The following LRRC37A2 variants were observed in gnomAD, a reference collection of about 807,000 sequenced individuals.
The protein encoded by LRRC37A2 is leucine rich repeat containing 37 member A2.
A neutral mutation model predicts 68.8 loss-of-function variants in LRRC37A2; 9 were observed. The observed-to-expected ratio is 0.13, with a 90% CI of 0.08 to 0.23. The LOEUF is 0.23. Among genes scored for constraint, LRRC37A2 ranks in the 10% least tolerant of loss-of-function variants. The pLI is 1.00. For missense variants in LRRC37A2, 168 were observed against 950.4 expected (o/e 0.18, Z 10.82); for synonymous variants, 63 against 367.6 (o/e 0.17, Z 9.48).
the LRRC37A2 span, chr17:46,768,309 T>TAC: frequency 6.2e-7 from 1 of 1,613,374 alleles, no homozygotes; most frequent in South Asian, 1.1e-5. This position sits in a 1 kb window ranked among gnomAD's most constrained non-coding sequence, Gnocchi z 5.0. Flanking sequence ...CCCGGAGCCC[T>TAC]ACCTGGTGCC....
chr17:46,850,601 T>C, the LRRC37A2 span, among the ~76,000 whole-genome samples: 4 of 152,222 alleles, frequency 2.6e-5, no homozygotes, highest in Non-Finnish European at 1.5e-5. Flanking sequence ...TTTTGCTTGA[T>C]TTGACCCCGT....
At chr17:46,666,642 GA>G in the LRRC37A2 span, among the ~76,000 whole-genome samples, 4 of 21,842 alleles carry the variant, frequency 1.8e-4, no homozygotes, top group African/African-American at 6.0e-4. Context: ...ATATACGTGA[GA>G]ACATCTGATT....
At chr17:46,389,030 C>G in the LRRC37A2 span, among the ~76,000 whole-genome samples, 1 of 75,928 alleles carries the variant, frequency 1.3e-5, no homozygotes, top group Non-Finnish European at 2.7e-5. Context: ...CTGGCCATGG[C>G]CAGCTAATAC....
chr17:46,997,540 A>T, the LRRC37A2 span, among the ~76,000 whole-genome samples: 2 of 152,242 alleles, frequency 1.3e-5, no homozygotes, highest in African/African-American at 4.8e-5. Flanking sequence ...TAATCTGATC[A>T]GGCCTCTAGA....
the LRRC37A2 span, among the ~76,000 whole-genome samples, chr17:46,836,733 G>C: frequency 6.6e-6 from 1 of 152,192 alleles, no homozygotes; most frequent in African/African-American, 2.4e-5. Context: ...AGCAGGGTTG[G>C]CCAGGGTCAT....
chr17:46,910,578 C>A, the LRRC37A2 span, among the ~76,000 whole-genome samples: 1 of 152,176 alleles, frequency 6.6e-6, no homozygotes, highest in African/African-American at 2.4e-5. Context: ...CCTCTTTGTC[C>A]TCAAGAAGCA....
the LRRC37A2 span, among the ~76,000 whole-genome samples, chr17:46,638,674 A>C: frequency 2.1e-5 from 3 of 141,906 alleles, no homozygotes; most frequent in African/African-American, 8.3e-5. Flanking sequence ...ACCATGCCCA[A>C]CCATTTTTTT....
In LRRC37A2 at chr17:46,532,886, AC is replaced by A. The variant is rs2145274376; in HGVS notation, c.2907-7286del. Among the ~76,000 whole-genome samples, 2 of 148,486 alleles carry A rather than the reference AC, an allele frequency of 1.3e-5. 1 individual carries two copies. Among genetic ancestry groups the A allele is most frequent in the Non-Finnish European group, 3.0e-5 (2 of 67,720 alleles). ...GAGGCTGCGGTGGGAGGATTGCTTG[AC>A]CCCAGGAGTTCGAGGCCAGCCAGGG... On this transcript the variant is annotated intron_variant, in intron 6 of 14. Coordinates refer to ENST00000576629, the Ensembl canonical transcript of LRRC37A2.
chr17:46,545,373 C>T (rs2056133653), intron 8 of LRRC37A2, among the ~76,000 whole-genome samples: 1 of 135,894 alleles, frequency 7.4e-6, no homozygotes, highest in African/African-American at 3.1e-5. Context: ...ATCCCTTGAG[C>T]CCAGGGGGGT....
chr17:46,860,744 C>T, the LRRC37A2 span, among the ~76,000 whole-genome samples: 1 of 152,220 alleles, frequency 6.6e-6, no homozygotes, highest in African/African-American at 2.4e-5. Context: ...CTGTACAATT[C>T]AGAACAAACC....
chr17:46,978,674 C>T, the LRRC37A2 span: 4 of 1,609,592 alleles, frequency 2.5e-6, no homozygotes, highest in Non-Finnish European at 3.4e-6. Flanking sequence ...GCTGCGCCCA[C>T]GTCCTTGGAG....
the LRRC37A2 span, among the ~76,000 whole-genome samples, chr17:46,832,608 C>T: frequency 2.0e-5 from 3 of 152,224 alleles, no homozygotes; most frequent in East Asian, 3.9e-4. Flanking sequence ...GGAGCCCCTG[C>T]CCCCGCCCCT....
the LRRC37A2 span, chr17:46,818,640 AG>A: frequency 6.5e-7 from 1 of 1,536,390 alleles, no homozygotes; most frequent in Non-Finnish European, 8.9e-7. Context: ...GACCATGAAG[AG>A]GGGGAGCGAC....
chr17:46,809,473 AAC>A, the LRRC37A2 span, among the ~76,000 whole-genome samples: 2 of 152,066 alleles, frequency 1.3e-5, no homozygotes, highest in Non-Finnish European at 2.9e-5. Flanking sequence ...CCCCCTCCCC[AAC>A]ACACACGTAC....
At chr17:46,545,555 A>G (rs2056171826) in intron 8 of LRRC37A2, among the ~76,000 whole-genome samples, 1 of 127,638 alleles carries the variant, frequency 7.8e-6, no homozygotes, top group Non-Finnish European at 1.6e-5. Flanking sequence ...CCAAATGTGC[A>G]TCAATGATAA....
At chr17:46,931,850 CT>C in the LRRC37A2 span, 1 of 596,818 alleles carries the variant, frequency 1.7e-6, no homozygotes, top group Non-Finnish European at 3.0e-6. Flanking sequence ...AGTCAAGCTG[CT>C]GGAATCTTGT....
chr17:46,947,897 T>A, the LRRC37A2 span, among the ~76,000 whole-genome samples: 1 of 152,122 alleles, frequency 6.6e-6, no homozygotes, highest in Non-Finnish European at 1.5e-5. Flanking sequence ...GCCTCCTGAG[T>A]AGCTGGGATT....
At chr17:46,938,473 T>C in the LRRC37A2 span, 3 of 1,458,034 alleles carry the variant, frequency 2.1e-6, no homozygotes, top group Non-Finnish European at 2.9e-6. Flanking sequence ...CTGATATTGC[T>C]TTCTGTGTAT....
chr17:46,542,843 G>A (rs2055636299), intron 8 of LRRC37A2, among the ~76,000 whole-genome samples: 1 of 150,586 alleles, frequency 6.6e-6, no homozygotes, highest in Non-Finnish European at 1.5e-5. Context: ...ACTCAGTTAT[G>A]CTAGGGCTGG....
Sources: gnomAD v4.1 joint callset for allele counts (sites outside exome capture counted in the v4.1 genomes callset) on GRCh38, gnomAD v4.1.1 for gene constraint, Gnocchi (gnomAD v3.1) non-coding constraint, MANE v1.5 for transcripts, NCBI Gene and HGNC (gene_info 2026-07-23, HGNC 2026-07-21) for gene names.